The following ERBIN variants were observed in gnomAD, a reference collection of about 807,000 sequenced individuals.
ERBIN encodes the protein densin-180-like protein.
Under a neutral mutation model 158.4 loss-of-function variants are expected in ERBIN, and 60 were observed. The observed-to-expected ratio is 0.38, with a 90% CI of 0.31 to 0.47. The LOEUF (loss-of-function observed/expected upper bound fraction) is 0.47. Ranked by LOEUF, ERBIN falls within the 20% of genes least tolerant of loss-of-function variation. The pLI is 0.99. For missense variants in ERBIN, 1,610 were observed against 1,648.0 expected, an observed-to-expected ratio of 0.98 and a Z score of 0.40; for synonymous variants, 594 against 557.2, an observed-to-expected ratio of 1.07 and a Z score of -0.93.
chr5:66,004,394 G>A (rs962750775), intron 4 of ERBIN, among the ~76,000 whole-genome samples: 23 of 152,190 alleles, frequency 1.5e-4, no homozygotes, highest in Admixed American at 4.6e-4. Context: ...GTGTGTGCGC[G>A]CGCGTGCGTG....
chr5:66,014,559 A>G (rs1754519698), intron 6 of ERBIN, 110 bp from the exon 7 acceptor site: 2 of 534,076 alleles, frequency 3.7e-6, no homozygotes, highest in South Asian at 2.8e-5. Context: ...TTACTTTGCA[A>G]TTAGTAATTA....
intron 4 of ERBIN, among the ~76,000 whole-genome samples, chr5:65,999,868 A>AC (rs1752848219): frequency 6.6e-6 from 1 of 152,168 alleles, no homozygotes; most frequent in Non-Finnish European, 1.5e-5. Flanking sequence ...AATGAATTTG[A>AC]TTACCATCAG....
rs1434344960 is a variant in ERBIN, at chr5:66,018,514, T to C, written c.534-2808T>C. Among the ~76,000 whole-genome samples, 84 of 8,616 alleles carry C rather than the reference T, an allele frequency of 9.7e-3. 36 individuals are homozygous for C. Among genetic ancestry groups the C allele is most frequent in the Non-Finnish European group, 0.018 (66 of 3,648 alleles). 5.7% of individuals were successfully genotyped at this position (8,616 alleles called of 152,430 possible). ...ATATTATATAATATATATTATATATTATATAATATATATTATATTATATAA... is the reference window on the plus strand; with the variant it reads ...ATATTATATAATATATATTATATATCATATAATATATATTATATTATATAA... On this transcript the variant is annotated intron_variant, in intron 7 of 25. Transcript: ENST00000284037.
chr5:65,934,803 G>A (rs992283286), intron 1 of ERBIN, among the ~76,000 whole-genome samples: 2 of 152,092 alleles, frequency 1.3e-5, no homozygotes, highest in Non-Finnish European at 2.9e-5. Flanking sequence ...TTATTTACAT[G>A]TACCTAGGTT....
At chr5:66,014,757 A>C (rs1009644888) in intron 7 of ERBIN, 32 bp downstream of exon 7, 1 of 1,098,326 alleles carries the variant, frequency 9.1e-7, no homozygotes, top group Non-Finnish European at 1.3e-6. Context: ...TAAAAAACTT[A>C]ATTTATAATT....
Position 66,082,462 on chromosome 5 carries a change from G to GT in ERBIN, c.*3933dup, listed in dbSNP as rs534195868. 1.3e-4 allele frequency: 20 copies of GT among 152,282 alleles called. No individual in the cohort carries two copies. Among genetic ancestry groups the GT allele is most frequent in the African/African-American group, 4.8e-4 (20 of 41,552 alleles). The allele number at this position is 152,282 out of a possible 1,614,324, so 9.4% of individuals were successfully genotyped here. ...TTTCAGGATAAAATTTGAGAAACTA[G>GT]TATCACTGGGGAAGGAAGAAACCTA... is the stretch of plus-strand genomic sequence containing the variant. On this transcript the variant is annotated 3_prime_UTR_variant, in exon 26 of 26. Coordinates refer to ENST00000284037, the MANE Select transcript of ERBIN (RefSeq NM_001253697.2).
At chr5:66,001,523 GC>G (rs1753008723) in intron 4 of ERBIN, among the ~76,000 whole-genome samples, 2 of 152,100 alleles carry the variant, frequency 1.3e-5, no homozygotes, top group South Asian at 4.1e-4. Flanking sequence ...AAAAGAAATG[GC>G]CTCTATTCTT....
chr5:65,997,800 A>T (rs1310250001), intron 4 of ERBIN, among the ~76,000 whole-genome samples: 2 of 152,176 alleles, frequency 1.3e-5, no homozygotes, highest in Non-Finnish European at 2.9e-5. Flanking sequence ...ATCCAGAAGT[A>T]ATCCTTCTCC....
intron 1 of ERBIN, among the ~76,000 whole-genome samples, chr5:65,944,776 G>C (rs1162946198): frequency 6.6e-6 from 1 of 152,046 alleles, no homozygotes; most frequent in African/African-American, 2.4e-5. Flanking sequence ...TTGGCTATTT[G>C]TATATCTTTG....
intron 21 of ERBIN, among the ~76,000 whole-genome samples, chr5:66,056,377 A>G (rs1759572902): frequency 6.6e-6 from 1 of 152,154 alleles, no homozygotes; most frequent in Admixed American, 6.6e-5. Flanking sequence ...GTGGACATAG[A>G]GGAGGAGTAG....
intron 15 of ERBIN, among the ~76,000 whole-genome samples, chr5:66,042,777 A>C (rs182071054): frequency 6.6e-6 from 1 of 152,248 alleles, no homozygotes; most frequent in East Asian, 1.9e-4. Context: ...GCACTGCCCA[A>C]AACCATATAT....
intron 21 of ERBIN, among the ~76,000 whole-genome samples, chr5:66,055,329 A>G (rs1759481630): frequency 6.6e-6 from 1 of 152,232 alleles, no homozygotes; most frequent in Non-Finnish European, 1.5e-5. Context: ...TAAGACAATA[A>G]CAAAAAATGT....
At chr5:65,977,678 C>T (rs931744903) in intron 1 of ERBIN, among the ~76,000 whole-genome samples, 47 of 149,426 alleles carry the variant, frequency 3.1e-4, no homozygotes, top group African/African-American at 9.4e-4. Context: ...CCAGACTGGG[C>T]AGCCAGGCAG....
In ERBIN at chr5:65,929,634, CCT is replaced by C. The variant is rs199677325; in HGVS notation, c.-58+2831_-58+2832del. ...ACCTCTAAAGATGTCTTTGTCTTTT[CCT>C]CTTTTTTTTTTTTTTTTTTTTCGAG... On this transcript the variant is annotated intron_variant, in intron 1 of 25. Coordinates refer to ENST00000284037, the MANE Select transcript of ERBIN (RefSeq NM_001253697.2). Among the ~76,000 whole-genome samples the C allele has an allele frequency of 3.9e-3, 577 of 146,624 alleles. 5 individuals carry two copies. Among genetic ancestry groups the C allele is most frequent in the African/African-American group, 0.014 (530 of 38,782 alleles).
chr5:66,046,688 T>C (rs1758483252), intron 18 of ERBIN, 150 bp downstream of exon 18: 4 of 610,744 alleles, frequency 6.5e-6, no homozygotes, highest in Non-Finnish European at 1.1e-5. Context: ...ATCACTCACT[T>C]GTCACTTTAA....
rs183260023 is a variant in ERBIN at position 66,058,968 on chromosome 5, G to A, written c.3633+4017G>A. ...GTAGTGTAGTTTGAAGTCAGGTAGC[G>A]TGATGCCTCCAGCTTTGTTTTTTTT... On this transcript the variant is annotated intron_variant, in intron 21 of 25. Coordinates refer to ENST00000284037, the MANE Select transcript of ERBIN (RefSeq NM_001253697.2). Among the ~76,000 whole-genome samples the A allele has an allele frequency of 2.7e-3, 417 of 152,240 alleles. 4 individuals are homozygous for A. The highest frequency in any genetic ancestry group is 9.5e-3 in the African/African-American group (395 of 41,530).
At chr5:66,014,415 G>C (rs1355143654) in intron 6 of ERBIN, among the ~76,000 whole-genome samples, 1 of 152,172 alleles carries the variant, frequency 6.6e-6, no homozygotes, top group Non-Finnish European at 1.5e-5. Context: ...CTGGAGGATT[G>C]ATACTTTGGG....
At chr5:66,052,745 A>G (rs964430528) in intron 20 of ERBIN, among the ~76,000 whole-genome samples, 4 of 152,198 alleles carry the variant, frequency 2.6e-5, no homozygotes, top group African/African-American at 9.6e-5. Flanking sequence ...TATTTTGTAT[A>G]ATTTTGGAAT....
At chr5:66,027,390 C>T (rs1047592908) in intron 13 of ERBIN, among the ~76,000 whole-genome samples, 8 of 151,962 alleles carry the variant, frequency 5.3e-5, no homozygotes, top group Admixed American at 1.3e-4. Flanking sequence ...TATAAGATAG[C>T]AAGGCTGAAG....
Sources: allele counts gnomAD v4.1 joint callset (sites outside exome capture counted in the v4.1 genomes callset), GRCh38; gene constraint gnomAD v4.1.1; transcripts MANE v1.5; gene names NCBI Gene and HGNC (gene_info 2026-07-23, HGNC 2026-07-21).